FAM210B: variants seen among roughly 807,000 people sequenced by gnomAD.
The protein encoded by FAM210B is mitochondrial inner membrane scaffold 2, also known as family with sequence similarity 210 member B.
In FAM210B, 11 loss-of-function variants were observed where a neutral mutation model predicts 14.9. The observed-to-expected ratio is 0.74, with a 90% confidence interval of 0.46 to 1.22. The LOEUF (loss-of-function observed/expected upper bound fraction) is 1.22, where lower values mean the gene tolerates loss of function less well. FAM210B is among the 50% of genes most tolerant of loss of function. The probability of loss-of-function intolerance (pLI) is 0.00; values close to 1 mark genes in which losing one functional copy is unlikely to be tolerated. For synonymous variants in FAM210B, 113 were observed against 110.2 expected (o/e 1.03, Z -0.16); for missense variants, 229 against 250.1 (o/e 0.92, Z 0.57).
chr20:56,363,765 C>T lies in FAM210B; in HGVS notation c.187-1322C>T, dbSNP rs566973587. 7.2e-4 allele frequency among the ~76,000 whole-genome samples: 110 copies of T among 152,304 alleles called. No individual in the cohort carries two copies. The highest frequency in any genetic ancestry group is 9.6e-4 in the Non-Finnish European group (65 of 68,022). The stretch of plus-strand genomic sequence containing the variant: ...TCCTGGTAGGGCACTGTGCAAAAAT[C>T]GCCCCCACTTTGTGTGTTTCAGATG... On this transcript the variant is annotated intron_variant, in intron 1 of 2. Coordinates refer to ENST00000371384, the MANE Select transcript of FAM210B (RefSeq NM_080821.3). The surrounding 1 kb of genome is among the most constrained non-coding windows in gnomAD (Gnocchi z 4.1).
rs1418333436 is a variant in FAM210B at position 56,363,547 on chromosome 20, C to T, written c.187-1540C>T. ...TGACCTCCAGCCAGGTGCGCATCACCTGCCGGGACAAGCCCCAGGACTGTC... is the reference window on the plus strand; with the variant it reads ...TGACCTCCAGCCAGGTGCGCATCACTTGCCGGGACAAGCCCCAGGACTGTC... On this transcript the variant is annotated intron_variant, in intron 1 of 2. Coordinates refer to ENST00000371384, the MANE Select transcript of FAM210B (RefSeq NM_080821.3). This position sits in a 1 kb window ranked among gnomAD's most constrained non-coding sequence, Gnocchi z 4.1. Among the ~76,000 whole-genome samples the T allele has an allele frequency of 1.3e-5, 2 of 152,212 alleles. No homozygotes were observed. The highest frequency in any genetic ancestry group is 4.8e-5 in the African/African-American group (2 of 41,450).
intron 2 of FAM210B, 147 bp from the exon 3 acceptor site, chr20:56,365,923 CG>C: frequency 3.6e-6 from 2 of 561,614 alleles, no homozygotes; most frequent in Non-Finnish European, 5.9e-6. Context: ...GGATTACAGG[CG>C]TGAGCCACTG....
intron 1 of FAM210B, among the ~76,000 whole-genome samples, chr20:56,361,967 A>T (rs1376708664): frequency 6.6e-6 from 1 of 152,156 alleles, no homozygotes; most frequent in Admixed American, 6.5e-5. Context: ...ACAGAGCACG[A>T]ATCTGTCTCA....
In FAM210B at chr20:56,363,108, G is replaced by C. The variant is rs898150168; in HGVS notation, c.187-1979G>C. ...GGTCACATGTGCTGGCCAAAGAAAGGGGGGCTGATGACATCTTCCCTCCTC... is the reference window on the plus strand; with the variant it reads ...GGTCACATGTGCTGGCCAAAGAAAGCGGGGCTGATGACATCTTCCCTCCTC... On this transcript the variant is annotated intron_variant, in intron 1 of 2. Coordinates refer to ENST00000371384, the MANE Select transcript of FAM210B (RefSeq NM_080821.3). The surrounding 1 kb of genome is among the most constrained non-coding windows in gnomAD (Gnocchi z 4.1). 2.0e-5 allele frequency among the ~76,000 whole-genome samples: 3 copies of C among 152,206 alleles called. No homozygotes were observed. The highest frequency in any genetic ancestry group is 4.4e-5 in the Non-Finnish European group (3 of 68,032).
Position 56,359,314 on chromosome 20 carries a change from G to C in FAM210B, c.186+123G>C, listed in dbSNP as rs966822497. 1 of 1,015,382 alleles carries C rather than the reference G, an allele frequency of 9.8e-7. No homozygotes were observed. Among genetic ancestry groups the C allele is most frequent in the African/African-American group, 1.7e-5 (1 of 59,294 alleles). The allele number at this position is 1,015,382 out of a possible 1,614,324, so 62.9% of individuals were successfully genotyped here. On this transcript the variant is annotated intron_variant, in intron 1 of 2. Transcript: ENST00000371384. The surrounding 1 kb of genome is among the most constrained non-coding windows in gnomAD (Gnocchi z 4.3). The stretch of plus-strand genomic sequence containing the variant: ...TTTGCACTTGTAGCTGCCCGGGACC[G>C]AGCTCTTCCAGGGTCCCCGAAACCC...
chr20:56,366,072 G>A lies in FAM210B; in HGVS notation c.364G>A (p.Gly122Ser). Residue 122 changes from glycine to serine, a missense_variant and splice_region_variant, in exon 3 of 3, where the codon GGT (glycine) becomes AGT (serine). Physicochemically the swap from Gly to Ser is moderately conservative, Grantham distance 56 (BLOSUM62 0). Coordinates refer to ENST00000371384, the MANE Select transcript of FAM210B (RefSeq NM_080821.3). ...TTTTCTTTGCTTCTTCCCCCCTAGT[G>A]GTGTGGACATGCCTGCAATCCTGCT... ...LGIFYMVVSS[G>S]VDMPAILLKL... 1 of 1,613,248 alleles carries A rather than the reference G, an allele frequency of 6.2e-7. No individual in the cohort carries two copies. Among genetic ancestry groups the A allele is most frequent in the Non-Finnish European group, 8.5e-7 (1 of 1,179,314 alleles).
chr20:56,360,458 T>C, intron 1 of FAM210B: 1 of 340,450 alleles, frequency 2.9e-6, no homozygotes, highest in South Asian at 2.2e-5. Context: ...TGGAGCGGTG[T>C]GTGTGTATAC....
Position 56,366,335 on chromosome 20 carries a change from A to G in FAM210B, c.*48A>G, listed in dbSNP as rs370355702. 2 of 1,571,948 alleles carry G rather than the reference A, an allele frequency of 1.3e-6. No homozygotes were observed. Among genetic ancestry groups the G allele is most frequent in the Non-Finnish European group, 1.7e-6 (2 of 1,143,534 alleles). On this transcript the variant is annotated 3_prime_UTR_variant, in exon 3 of 3. Transcript: ENST00000371384. ...TGAAAACCTATTTCTTCTAAATTAC[A>G]TGATTTGGATTGGTTTTAGGGTTTT...
In FAM210B at chr20:56,366,123, G is replaced by C. The variant is rs201707629; in HGVS notation, c.415G>C (p.Val139Leu). 6.2e-7 allele frequency: 1 copy of C among 1,614,144 alleles called. No individual in the cohort carries two copies. The highest frequency in any genetic ancestry group is 2.2e-5 in the East Asian group (1 of 44,870). ...LLKLGFKESL[V>L]QSKMAAGTST... ...GAAACTCGGATTTAAAGAGTCCCTG[G>C]TACAGTCAAAAATGGCAGCAGGCAC... The change falls in exon 3 of 3, where the codon GTA becomes CTA. Residue 139 changes from valine (V) to leucine (L), a missense_variant. Coordinates refer to ENST00000371384, the MANE Select transcript of FAM210B (RefSeq NM_080821.3).
In FAM210B at chr20:56,368,549, C is replaced by G. The variant is rs1415138439; in HGVS notation, c.*2262C>G. On this transcript the variant is annotated 3_prime_UTR_variant, in exon 3 of 3. Transcript: ENST00000371384. ...AAATAACCGGAGAAGACAAGGAGGT[C>G]AAAGGATCAGGGAACTAAGCATTAT... is the stretch of plus-strand genomic sequence containing the variant. The G allele has an allele frequency of 2.0e-5, 3 of 152,174 alleles. No homozygotes were observed. Among genetic ancestry groups the G allele is most frequent in the African/African-American group, 7.2e-5 (3 of 41,416 alleles). 9.4% of individuals were successfully genotyped at this position (152,174 alleles called of 1,614,324 possible). A position where few individuals can be genotyped will look rare whatever the true frequency, so the allele number is the denominator to read the frequency against.
rs998335820 is a variant in FAM210B at position 56,359,068 on chromosome 20, C to G, written c.63C>G (p.Arg21=). 2 of 1,356,420 alleles carry G rather than the reference C, an allele frequency of 1.5e-6. No homozygotes were observed. Among genetic ancestry groups the G allele is most frequent in the African/African-American group, 3.0e-5 (2 of 65,722 alleles). 84.0% of individuals were successfully genotyped at this position (1,356,420 alleles called of 1,614,324 possible). A position where few individuals can be genotyped will look rare whatever the true frequency, so the allele number is the denominator to read the frequency against. The part of the protein sequence containing the change: ...AGRVGARVRP[R]ATWLLGATAP... ...GGGTGGGCGCCCGGGTCCGGCCTCG[C>G]GCCACCTGGCTCCTGGGCGCCACCG... The change falls in exon 1 of 3, where the codon CGC becomes CGG. Residue 21 remains arginine, a synonymous_variant. Coordinates refer to ENST00000371384, the MANE Select transcript of FAM210B (RefSeq NM_080821.3). The surrounding 1 kb of genome is among the most constrained non-coding windows in gnomAD (Gnocchi z 4.3).
chr20:56,366,249 A>G lies in FAM210B; in HGVS notation c.541A>G (p.Lys181Glu), dbSNP rs895183949. Residue 181 changes from lysine to glutamate, a missense_variant, in exon 3 of 3, where the codon AAA (lysine) becomes GAA (glutamate). By Grantham distance (56) the Lys-to-Glu change is moderately conservative (BLOSUM62 1). Coordinates refer to ENST00000371384, the MANE Select transcript of FAM210B (RefSeq NM_080821.3). ...SVPLIVRYFR[K>E]VGFFKPPAAK... is the part of the protein sequence containing the mutation. ...GCCCTTGATTGTCAGATATTTTCGA[A>G]AAGTGGGATTTTTTAAACCTCCAGC... 1.2e-6 allele frequency: 2 copies of G among 1,614,160 alleles called. No individual in the cohort carries two copies. Among genetic ancestry groups the G allele is most frequent in the Non-Finnish European group, 1.7e-6 (2 of 1,180,028 alleles).
Position 56,363,151 on chromosome 20 carries a change from A to C in FAM210B, c.187-1936A>C, listed in dbSNP as rs6024830. Among the ~76,000 whole-genome samples the C allele has an allele frequency of 1.3e-5, 2 of 152,042 alleles. No individual in the cohort carries two copies. Among genetic ancestry groups the C allele is most frequent in the Admixed American group, 6.6e-5 (1 of 15,264 alleles). On this transcript the variant is annotated intron_variant, in intron 1 of 2. Transcript: ENST00000371384. The surrounding 1 kb of genome is among the most constrained non-coding windows in gnomAD (Gnocchi z 4.1). ...CCCTCCTCCCCTCCAGAGCCTGGACATTCTGGAAAAGTGTCTTCCTTTAAG... is the reference window on the plus strand; with the variant it reads ...CCCTCCTCCCCTCCAGAGCCTGGACCTTCTGGAAAAGTGTCTTCCTTTAAG...
At position 56,359,723 on chromosome 20, in the gene FAM210B, A is replaced by G. The variant is rs1983493491; in HGVS notation, c.186+532A>G. Among the ~76,000 whole-genome samples, 1 of 152,240 alleles carries G rather than the reference A, an allele frequency of 6.6e-6. No homozygotes were observed. The highest frequency in any genetic ancestry group is 1.5e-5 in the Non-Finnish European group (1 of 68,038). On this transcript the variant is annotated intron_variant, in intron 1 of 2. Transcript: ENST00000371384. This position sits in a 1 kb window ranked among gnomAD's most constrained non-coding sequence, Gnocchi z 4.3. Reference sequence around the variant, plus strand: ...GTGAAAACTGGTTTTCCTTCAGAGCAGTCATACCAGCTTTCCTTTCAAGAA... The same window carrying G: ...GTGAAAACTGGTTTTCCTTCAGAGCGGTCATACCAGCTTTCCTTTCAAGAA...
At chr20:56,360,280 C>T (rs1402621026) in intron 1 of FAM210B, 2 of 468,414 alleles carry the variant, frequency 4.3e-6, no homozygotes, top group Non-Finnish European at 8.8e-6. Context: ...CCCAGCCCAG[C>T]TGTTCCTTCC....
intron 1 of FAM210B, chr20:56,360,150 C>T (rs1443674116): frequency 2.1e-6 from 1 of 468,614 alleles, no homozygotes. Context: ...ATGCCTCCTG[C>T]CCAGATCAAC....
chr20:56,364,770 C>T (rs1255949131), intron 1 of FAM210B, among the ~76,000 whole-genome samples: 19 of 152,108 alleles, frequency 1.2e-4, no homozygotes. Flanking sequence ...CTGGCTAACA[C>T]AGTGAAACCC....
Position 56,359,173 on chromosome 20 carries a change from G to T in FAM210B, c.168G>T (p.Gly56=). The T allele has an allele frequency of 1.6e-6, 2 of 1,237,076 alleles. No individual in the cohort carries two copies. Among genetic ancestry groups the T allele is most frequent in the Non-Finnish European group, 2.0e-6 (2 of 993,738 alleles). 76.6% of individuals were successfully genotyped at this position (1,237,076 alleles called of 1,614,324 possible). Residue 56 remains glycine (G), a synonymous_variant, in exon 1 of 3, where the codon GGG becomes GGT. Transcript: ENST00000371384. This position sits in a 1 kb window ranked among gnomAD's most constrained non-coding sequence, Gnocchi z 4.3. ...CCCGGCTGCTCCGCACGGCGCGCGGGGACTGCCGCGGCCACCAGGTAAGCA... is the reference window on the plus strand; with the variant it reads ...CCCGGCTGCTCCGCACGGCGCGCGGTGACTGCCGCGGCCACCAGGTAAGCA... ...LDARLLRTAR[G]DCRGHQDPSQ...
chr20:56,364,058 A>G (rs544192752), intron 1 of FAM210B, among the ~76,000 whole-genome samples: 83 of 152,276 alleles, frequency 5.5e-4, no homozygotes, highest in Non-Finnish European at 1.0e-3. Context: ...TTGGAGGACC[A>G]CCTGGCTCAG....
Sources: allele counts gnomAD v4.1 joint callset (sites outside exome capture counted in the v4.1 genomes callset), GRCh38; gene constraint gnomAD v4.1.1; non-coding constraint Gnocchi (gnomAD v3.1); transcripts MANE v1.5; gene names NCBI Gene and HGNC (gene_info 2026-07-23, HGNC 2026-07-21).